CLN6: variants seen among roughly 807,000 people sequenced by gnomAD.
CLN6 encodes the protein CLN6 transmembrane ER protein.
Under a neutral mutation model 33.3 loss-of-function variants are expected in CLN6, and 22 were observed. The ratio of observed to expected loss-of-function variants is 0.66; its 90% CI spans 0.47 to 0.94. The LOEUF (loss-of-function observed/expected upper bound fraction) is 0.94. Among genes scored for constraint, CLN6 ranks in the 40% least tolerant of loss-of-function variants. CLN6 has a pLI of 0.00. For missense variants in CLN6, 387 were observed against 417.1 expected (o/e 0.93, Z 0.63); for synonymous variants, 201 against 174.6 (o/e 1.15, Z -1.19).
rs1001908044 is a variant in CLN6, at chr15:68,229,621, G to A, written c.-37C>T. On this transcript the variant is annotated 5_prime_UTR_variant, in exon 1 of 7. Coordinates refer to ENST00000249806, the MANE Select transcript of CLN6 (RefSeq NM_017882.3). ...AGGCCCCTCGGCCCTGCCTTTCCGA[G>A]GAAGAGACCGGTTCAGCTCGGCTGC... 42 of 1,431,702 alleles carry A rather than the reference G, an allele frequency of 2.9e-5. No individual in the cohort carries two copies. In the African/African-American group the frequency reaches 4.0e-4, roughly 14 times the overall value. 88.7% of individuals were successfully genotyped at this position (1,431,702 alleles called of 1,614,324 possible).
At chr15:68,224,794 C>G (rs1264534774) in intron 1 of CLN6, among the ~76,000 whole-genome samples, 1 of 152,144 alleles carries the variant, frequency 6.6e-6, no homozygotes, top group Non-Finnish European at 1.5e-5. Flanking sequence ...ACTTAGCACA[C>G]TGAGCCCCCA....
At chr15:68,215,254 T>C (rs2093217416) in intron 2 of CLN6, 1 of 143,714 alleles carries the variant, frequency 7.0e-6, no homozygotes, top group African/African-American at 2.5e-5. Context: ...ACTCACAGAA[T>C]GCAGCAATCT....
chr15:68,254,857 C>T (rs1255990139), intron 1 of CLN6: 15 of 1,135,946 alleles, frequency 1.3e-5, no homozygotes, highest in Non-Finnish European at 1.8e-5. Context: ...TGGAGATGCC[C>T]AAACAGACCA....
intron 2 of CLN6, 127 bp from the exon 3 acceptor site, chr15:68,214,515 T>C: frequency 2.9e-6 from 2 of 696,922 alleles, no homozygotes; most frequent in Non-Finnish European, 2.6e-6. Flanking sequence ...CATGTACACT[T>C]AATTCTTCCT....
upstream of CLN6, among the ~76,000 whole-genome samples, chr15:68,231,015 C>T (rs1272711793): frequency 6.6e-6 from 1 of 152,226 alleles, no homozygotes; most frequent in Non-Finnish European, 1.5e-5. Flanking sequence ...TGCAATGTGC[C>T]ATTCCCCTGC....
upstream of CLN6, among the ~76,000 whole-genome samples, chr15:68,233,384 G>A (rs1432159891): frequency 1.3e-5 from 2 of 152,104 alleles, no homozygotes; most frequent in African/African-American, 4.8e-5. This position sits in a 1 kb window ranked among gnomAD's most constrained non-coding sequence, Gnocchi z 4.3. Flanking sequence ...TTACAAGGCC[G>A]TGGCCAAGTC....
At position 68,211,123 on chromosome 15, in the gene CLN6, C is replaced by T; in HGVS notation, c.542+140G>A. On this transcript the variant is annotated intron_variant, in intron 5 of 6. Transcript: ENST00000249806. The surrounding 1 kb of genome is among the most constrained non-coding windows in gnomAD (Gnocchi z 5.9). ...GGACAACTTCACTGGAGGTTGAGCT[C>T]ACAGTGCCTTTACAGGGGATGAGAC... 1.3e-6 allele frequency: 1 copy of T among 797,892 alleles called. No individual in the cohort carries two copies. Among genetic ancestry groups the T allele is most frequent in the South Asian group, 1.4e-5 (1 of 72,534 alleles). 49.4% of individuals were successfully genotyped at this position (797,892 alleles called of 1,614,324 possible).
intron 1 of CLN6, among the ~76,000 whole-genome samples, chr15:68,225,527 G>C (rs959575515): frequency 2.0e-5 from 3 of 152,154 alleles, no homozygotes; most frequent in African/African-American, 7.2e-5. Flanking sequence ...CTGTCACCCA[G>C]GCTGGAGTGC....
At position 68,211,437 on chromosome 15, in the gene CLN6, C is replaced by T; in HGVS notation, c.487-119G>A. The T allele has an allele frequency of 1.3e-6, 2 of 1,539,164 alleles. No homozygotes were observed. The highest frequency in any genetic ancestry group is 1.8e-6 in the Non-Finnish European group (2 of 1,118,634). On this transcript the variant is annotated intron_variant, in intron 4 of 6. Coordinates refer to ENST00000249806, the MANE Select transcript of CLN6 (RefSeq NM_017882.3). This position sits in a 1 kb window ranked among gnomAD's most constrained non-coding sequence, Gnocchi z 5.9. ...CCCAGTCCCAGGCCTCCCCCACTGC[C>T]TTATTCCCTACCCGGGGCCTCGCCT...
At chr15:68,225,425 C>T (rs1230072021) in intron 1 of CLN6, among the ~76,000 whole-genome samples, 1 of 152,098 alleles carries the variant, frequency 6.6e-6, no homozygotes, top group East Asian at 1.9e-4. Context: ...AAACAGAGGA[C>T]AGAAATTGTA....
At chr15:68,222,368 C>CTG (rs759513369) in intron 1 of CLN6, among the ~76,000 whole-genome samples, 3 of 148,382 alleles carry the variant, frequency 2.0e-5, no homozygotes, top group Non-Finnish European at 3.0e-5. Flanking sequence ...CTCTGCCCGG[C>CTG]CGCCCCGTCT....
upstream of CLN6, among the ~76,000 whole-genome samples, chr15:68,232,671 G>A (rs779160704): frequency 1.3e-5 from 2 of 152,108 alleles, no homozygotes; most frequent in African/African-American, 2.4e-5. This position sits in a 1 kb window ranked among gnomAD's most constrained non-coding sequence, Gnocchi z 4.7. Flanking sequence ...CAAGAGACAG[G>A]GATTAGCAAA....
chr15:68,256,471 T>C lies in CLN6; in HGVS notation c.179+219A>G, dbSNP rs1892437730. Among the ~76,000 whole-genome samples, 3 of 149,866 alleles carry C rather than the reference T, an allele frequency of 2.0e-5. No homozygotes were observed. The South Asian group carries it at 6.5e-4, about 33-fold the overall frequency. On this transcript the variant is annotated intron_variant, in intron 1 of 6. Coordinates refer to the CLN6 transcript ENST00000538696. The surrounding 1 kb of genome is among the most constrained non-coding windows in gnomAD (Gnocchi z 4.1). ...AAAATTACATATGTGGCTCGCACTG[T>C]ATTTCTGTTGGGCAGCACTGCTCTA...
At position 68,208,048 on chromosome 15, in the gene CLN6, T is replaced by C. The variant is rs1240654048; in HGVS notation, c.*92A>G. 5.7e-6 allele frequency: 8 copies of C among 1,413,950 alleles called. No homozygotes were observed. The highest frequency in any genetic ancestry group is 7.8e-6 in the Non-Finnish European group (8 of 1,029,700). The allele number at this position is 1,413,950 out of a possible 1,614,324, so 87.6% of individuals were successfully genotyped here. On this transcript the variant is annotated 3_prime_UTR_variant, in exon 7 of 7. Transcript: ENST00000249806. The surrounding 1 kb of genome is among the most constrained non-coding windows in gnomAD (Gnocchi z 5.8). ...CCCACTCATGCTCTCGGTCTCTGGTTACACACCCACACCCCCCCTACTCCT... is the reference window on the plus strand; with the variant it reads ...CCCACTCATGCTCTCGGTCTCTGGTCACACACCCACACCCCCCCTACTCCT...
At chr15:68,252,292 A>C (rs1010173712) in intron 1 of CLN6, among the ~76,000 whole-genome samples, 2 of 152,192 alleles carry the variant, frequency 1.3e-5, no homozygotes, top group African/African-American at 2.4e-5. Flanking sequence ...ATCTTAAAAT[A>C]AGAAAAAGAC....
intron 1 of CLN6, among the ~76,000 whole-genome samples, chr15:68,250,806 C>T (rs1892371612): frequency 6.6e-6 from 1 of 152,042 alleles, no homozygotes; most frequent in Non-Finnish European, 1.5e-5. Context: ...AGTACAGTTT[C>T]TATTGAATGT....
chr15:68,225,136 T>C (rs918047593), intron 1 of CLN6, among the ~76,000 whole-genome samples: 5 of 149,276 alleles, frequency 3.3e-5, no homozygotes, highest in Admixed American at 2.0e-4. Flanking sequence ...AATGAAAAGC[T>C]TGAACAGAAA....
chr15:68,237,194 A>C (rs1222421141), intron 1 of CLN6, among the ~76,000 whole-genome samples: 4 of 144,450 alleles, frequency 2.8e-5, no homozygotes, highest in South Asian at 2.2e-4. Flanking sequence ...AAAAAACTGA[A>C]TGGAGGCCAG....
chr15:68,207,989 C>CAA lies in CLN6; in HGVS notation c.*150_*151insTT. 1 of 747,540 alleles carries CAA rather than the reference C, an allele frequency of 1.3e-6. No individual in the cohort carries two copies. Among genetic ancestry groups the CAA allele is most frequent in the Non-Finnish European group, 2.3e-6 (1 of 442,890 alleles). 46.3% of individuals were successfully genotyped at this position (747,540 alleles called of 1,614,324 possible). On this transcript the variant is annotated 3_prime_UTR_variant, in exon 7 of 7. Transcript: ENST00000249806. ...CGCACACATATACAAGACACACACA[C>CAA]ACACACACACGAATCCACGCACACG...
Sources: gnomAD v4.1 joint callset for allele counts (sites outside exome capture counted in the v4.1 genomes callset) on GRCh38, gnomAD v4.1.1 for gene constraint, Gnocchi (gnomAD v3.1) non-coding constraint, MANE v1.5 for transcripts, NCBI Gene and HGNC (gene_info 2026-07-23, HGNC 2026-07-21) for gene names.